Variants in GRIN3A observed in about 807,000 individuals in gnomAD.
GRIN3A encodes the protein glutamate ionotropic receptor NMDA type subunit 3A.
A neutral mutation model predicts 92.4 loss-of-function variants in GRIN3A; 47 were observed. The observed-to-expected ratio is 0.51, with a 90% confidence interval of 0.40 to 0.65. GRIN3A has a LOEUF of 0.65. GRIN3A is among the 30% of genes least tolerant of loss of function. GRIN3A has a pLI of 0.00. For synonymous variants in GRIN3A, 527 were observed against 540.6 expected (o/e 0.97, Z 0.35); for missense variants, 1,324 against 1,393.1 (o/e 0.95, Z 0.79).
chr9:101,573,304 T>G lies in GRIN3A; in HGVS notation c.3218A>C (p.Asn1073Thr), dbSNP rs62000403. The G allele has an allele frequency of 3.1e-6, 5 of 1,613,858 alleles. No individual in the cohort carries two copies. The Admixed American group carries it at 6.7e-5, about 22-fold the overall frequency. Residue 1073 changes from asparagine to threonine, a missense_variant, in exon 9 of 9, where the codon AAC becomes ACC. Asn to Thr is a moderately conservative substitution (Grantham distance 65). Transcript: ENST00000361820. ...GKADSLNVSR[N>T]SVMQELSELE... ...CTCTGAGAGTTCCTGCATCACTGAG[T>G]TCCGAGATACATTTAGGGAGTCTGC...
intron 2 of GRIN3A, among the ~76,000 whole-genome samples, chr9:101,683,406 C>T (rs1360572670): frequency 6.6e-6 from 1 of 152,148 alleles, no homozygotes; most frequent in Non-Finnish European, 1.5e-5. Flanking sequence ...AAGAAAATTA[C>T]TGTATGCAGA....
chr9:101,649,582 C>T (rs892499573), intron 3 of GRIN3A, among the ~76,000 whole-genome samples: 1 of 151,942 alleles, frequency 6.6e-6, no homozygotes. Context: ...TATGCTGGCT[C>T]GAGGGAAGAG....
chr9:101,603,674 T>C (rs1184955060), intron 6 of GRIN3A, among the ~76,000 whole-genome samples: 1 of 152,204 alleles, frequency 6.6e-6, no homozygotes, highest in African/African-American at 2.4e-5. Context: ...TGGGTTTACC[T>C]GTGACTGGAT....
intron 1 of GRIN3A, among the ~76,000 whole-genome samples, chr9:101,735,744 C>G (rs551112622): frequency 4.3e-4 from 65 of 151,990 alleles, no homozygotes; most frequent in African/African-American, 1.6e-3. Flanking sequence ...CCTATGGATG[C>G]AATTTCATGT....
chr9:101,582,826 T>A (rs897124113), intron 6 of GRIN3A, among the ~76,000 whole-genome samples: 41 of 152,228 alleles, frequency 2.7e-4, no homozygotes, highest in African/African-American at 5.3e-4. Context: ...CAGTGAGTCA[T>A]CTTGCCTTTA....
intron 6 of GRIN3A, 144 bp from the exon 7 acceptor site, chr9:101,579,504 A>T: frequency 1.2e-6 from 1 of 841,688 alleles, no homozygotes; most frequent in East Asian, 2.7e-5. Context: ...GTGTTCTGTG[A>T]CCTTCATTAT....
At chr9:101,604,925 G>A (rs758868019) in intron 6 of GRIN3A, among the ~76,000 whole-genome samples, 2 of 152,268 alleles carry the variant, frequency 1.3e-5, no homozygotes, top group South Asian at 2.1e-4. Context: ...TCTGCTGTGA[G>A]AGAACTCCAT....
intron 6 of GRIN3A, among the ~76,000 whole-genome samples, chr9:101,588,574 T>G (rs1827978895): frequency 6.6e-6 from 1 of 152,190 alleles, no homozygotes; most frequent in South Asian, 2.1e-4. Context: ...TTTGAAAAAT[T>G]TATTATTAAA....
chr9:101,654,004 G>A (rs1829048567), intron 3 of GRIN3A, among the ~76,000 whole-genome samples: 1 of 151,706 alleles, frequency 6.6e-6, no homozygotes, highest in Non-Finnish European at 1.5e-5. Context: ...CCATTTGGTG[G>A]CAATCTTTGT....
intron 5 of GRIN3A, among the ~76,000 whole-genome samples, chr9:101,617,154 T>C (rs1447868511): frequency 2.1e-5 from 3 of 143,764 alleles, no homozygotes; most frequent in Admixed American, 7.1e-5. Flanking sequence ...GAGCCGAGAT[T>C]GCGCCACTGC....
chr9:101,625,346 G>A (rs990620760), intron 4 of GRIN3A, among the ~76,000 whole-genome samples: 1 of 152,076 alleles, frequency 6.6e-6, no homozygotes, highest in African/African-American at 2.4e-5. Context: ...AACACAGTGT[G>A]GCTTCTAAAC....
At chr9:101,707,483 C>T (rs1829827289) in intron 1 of GRIN3A, among the ~76,000 whole-genome samples, 1 of 152,150 alleles carries the variant, frequency 6.6e-6, no homozygotes, top group African/African-American at 2.4e-5. Flanking sequence ...CTGGTAATGC[C>T]TTCTTCATAT....
chr9:101,641,073 A>G (rs1353664343), intron 3 of GRIN3A, among the ~76,000 whole-genome samples: 1 of 152,164 alleles, frequency 6.6e-6, no homozygotes, highest in East Asian at 1.9e-4. Flanking sequence ...AATTCTTACT[A>G]AGCGTTGGAT....
intron 1 of GRIN3A, among the ~76,000 whole-genome samples, chr9:101,708,312 T>C (rs1168748340): frequency 1.3e-5 from 2 of 152,202 alleles, no homozygotes; most frequent in Non-Finnish European, 2.9e-5. Flanking sequence ...CAATGTGTTG[T>C]CCAGTGTTGA....
At chr9:101,656,983 C>T (rs1016438595) in intron 3 of GRIN3A, among the ~76,000 whole-genome samples, 4 of 151,816 alleles carry the variant, frequency 2.6e-5, no homozygotes, top group African/African-American at 7.3e-5. Context: ...TATATATTCC[C>T]CTTGTTCTCT....
At chr9:101,656,398 A>G (rs1381281572) in intron 3 of GRIN3A, among the ~76,000 whole-genome samples, 1 of 151,938 alleles carries the variant, frequency 6.6e-6, no homozygotes, top group Non-Finnish European at 1.5e-5. Context: ...GACAGTATGG[A>G]AGTCAATGGA....
chr9:101,659,406 A>G (rs973962033), intron 3 of GRIN3A, among the ~76,000 whole-genome samples: 2 of 145,238 alleles, frequency 1.4e-5, no homozygotes, highest in Non-Finnish European at 3.0e-5. Flanking sequence ...GTATTTATTT[A>G]TACATAGAAA....
chr9:101,668,064 A>G (rs2025335), intron 3 of GRIN3A, among the ~76,000 whole-genome samples: 50,850 of 151,982 alleles, frequency 0.33, 9,423 homozygotes, highest in Non-Finnish European at 0.41. Context: ...GTCCAGTTCT[A>G]CTGGCTTTGT....
chr9:101,622,006 C>T (rs941431898), intron 5 of GRIN3A, among the ~76,000 whole-genome samples: 3 of 152,204 alleles, frequency 2.0e-5, no homozygotes, highest in East Asian at 1.9e-4. Context: ...CCTTTGCTAT[C>T]TAAGACGGTA....
Sources: allele counts gnomAD v4.1 joint callset (sites outside exome capture counted in the v4.1 genomes callset), GRCh38; gene constraint gnomAD v4.1.1; transcripts MANE v1.5; gene names NCBI Gene and HGNC (gene_info 2026-07-23, HGNC 2026-07-21).